PPARGC1A: variants seen among roughly 807,000 people sequenced by gnomAD.
The protein encoded by PPARGC1A is PPARG coactivator 1 alpha.
In PPARGC1A, 25 loss-of-function variants were observed where a neutral mutation model predicts 88.7. That is an observed-to-expected ratio of 0.28 (90% CI 0.21 to 0.39). PPARGC1A has a LOEUF of 0.39. Among genes scored for constraint, PPARGC1A ranks in the 10% least tolerant of loss-of-function variants. The pLI is 1.00. For synonymous variants in PPARGC1A, 363 were observed against 355.6 expected (o/e 1.02, Z -0.24); for missense variants, 880 against 968.7 (o/e 0.91, Z 1.22).
the PPARGC1A span, among the ~76,000 whole-genome samples, chr4:24,214,537 G>T: frequency 6.6e-6 from 1 of 152,192 alleles, no homozygotes; most frequent in Non-Finnish European, 1.5e-5. Flanking sequence ...GGACTGCCAC[G>T]TGAGAGACAA....
chr4:24,364,504 C>T, the PPARGC1A span, among the ~76,000 whole-genome samples: 1 of 152,140 alleles, frequency 6.6e-6, no homozygotes, highest in Non-Finnish European at 1.5e-5. Flanking sequence ...CTCCTCGCCT[C>T]TCATGACATC....
chr4:24,450,643 G>T, the PPARGC1A span, among the ~76,000 whole-genome samples: 1 of 152,092 alleles, frequency 6.6e-6, no homozygotes, highest in Non-Finnish European at 1.5e-5. Flanking sequence ...TAAAAATGAT[G>T]GCAGTATTAA....
At chr4:23,866,841 C>A (rs928727840) in intron 2 of PPARGC1A, among the ~76,000 whole-genome samples, 9 of 152,044 alleles carry the variant, frequency 5.9e-5, no homozygotes, top group African/African-American at 2.2e-4. Context: ...CATTTGCTCT[C>A]AGAGATACCG....
At chr4:23,938,858 A>C in the PPARGC1A span, among the ~76,000 whole-genome samples, 2 of 152,202 alleles carry the variant, frequency 1.3e-5, no homozygotes, top group African/African-American at 4.8e-5. Flanking sequence ...AGTAAGAGCT[A>C]AGGAGAGAGC....
the PPARGC1A span, among the ~76,000 whole-genome samples, chr4:24,089,505 C>CTTTTT: frequency 3.4e-4 from 25 of 73,810 alleles, no homozygotes; most frequent in African/African-American, 9.6e-4. Flanking sequence ...CTTTTCTTTT[C>CTTTTT]TTTTCTTTCT....
chr4:24,333,199 GTGC>G, the PPARGC1A span, among the ~76,000 whole-genome samples: 13 of 152,176 alleles, frequency 8.5e-5, no homozygotes, highest in South Asian at 2.1e-3. Context: ...AGCTGAGATT[GTGC>G]TGCTGCACTC....
the PPARGC1A span, among the ~76,000 whole-genome samples, chr4:24,181,938 G>A: frequency 5.3e-5 from 8 of 151,758 alleles, no homozygotes; most frequent in Non-Finnish European, 8.8e-5. Flanking sequence ...ATCCTTCTGA[G>A]GAAACAAGAT....
the PPARGC1A span, among the ~76,000 whole-genome samples, chr4:23,968,437 A>G: frequency 6.6e-6 from 1 of 152,154 alleles, no homozygotes; most frequent in Non-Finnish European, 1.5e-5. Context: ...CAACCAGTCC[A>G]GTCCAGCCCA....
chr4:24,470,271 G>GACACACAC, the PPARGC1A span, among the ~76,000 whole-genome samples: 46 of 72,012 alleles, frequency 6.4e-4, no homozygotes, highest in South Asian at 2.1e-3. The surrounding 1 kb of genome is among the most constrained non-coding windows in gnomAD (Gnocchi z 5.8). Context: ...CTCATCGACA[G>GACACACAC]ACACAGACAC....
the PPARGC1A span, among the ~76,000 whole-genome samples, chr4:24,177,619 T>TTAAATAAATAAA: frequency 8.0e-6 from 1 of 124,950 alleles, no homozygotes; most frequent in East Asian, 2.3e-4. Context: ...TCAAGTATAA[T>TTAAATAAATAAA]TAAATAAATA....
chr4:23,923,116 G>GTTTTGTTT, the PPARGC1A span, among the ~76,000 whole-genome samples: 2 of 131,690 alleles, frequency 1.5e-5, no homozygotes, highest in African/African-American at 2.8e-5. Context: ...TTTGTTGCTT[G>GTTTTGTTT]TTTTTTTTTT....
At chr4:24,154,661 G>A in the PPARGC1A span, among the ~76,000 whole-genome samples, 52 of 152,252 alleles carry the variant, frequency 3.4e-4, 1 homozygote, top group African/African-American at 1.2e-3. Context: ...CTTCTAAGCT[G>A]AGTTATCAAA....
At chr4:23,874,597 T>C (rs1405043045) in intron 2 of PPARGC1A, among the ~76,000 whole-genome samples, 1 of 151,790 alleles carries the variant, frequency 6.6e-6, no homozygotes, top group African/African-American at 2.4e-5. Flanking sequence ...TATATGCACA[T>C]ACACAGGCAC....
the PPARGC1A span, among the ~76,000 whole-genome samples, chr4:23,970,128 T>G: frequency 6.6e-6 from 1 of 152,216 alleles, no homozygotes; most frequent in Non-Finnish European, 1.5e-5. Flanking sequence ...TTAGACAGAT[T>G]CTTACTTTAC....
At chr4:24,253,694 G>C in the PPARGC1A span, among the ~76,000 whole-genome samples, 1 of 152,038 alleles carries the variant, frequency 6.6e-6, no homozygotes, top group African/African-American at 2.4e-5. Flanking sequence ...CGCTGAGAGC[G>C]AGTGCCTCTT....
intron 3 of PPARGC1A, among the ~76,000 whole-genome samples, chr4:23,829,822 A>T (rs1724681285): frequency 6.6e-6 from 1 of 152,142 alleles, no homozygotes; most frequent in South Asian, 2.1e-4. Context: ...TTCCAATTCA[A>T]TTTCTAGAAT....
intron 2 of PPARGC1A, among the ~76,000 whole-genome samples, chr4:23,872,762 G>C (rs1713688998): frequency 6.6e-6 from 1 of 152,086 alleles, no homozygotes; most frequent in African/African-American, 2.4e-5. Flanking sequence ...CATGCTAATG[G>C]ATGACAATTA....
At chr4:24,123,910 C>CAAAAAAAAAA in the PPARGC1A span, among the ~76,000 whole-genome samples, 1 of 123,432 alleles carries the variant, frequency 8.1e-6, no homozygotes. Context: ...TCTAAGTTGG[C>CAAAAAAAAAA]AAAAAAAAAA....
chr4:24,041,749 C>A, the PPARGC1A span, among the ~76,000 whole-genome samples: 6 of 152,114 alleles, frequency 3.9e-5, no homozygotes, highest in Non-Finnish European at 7.4e-5. Flanking sequence ...CCATGAAGCA[C>A]ATACATGGAT....
Sources: allele counts gnomAD v4.1 joint callset (sites outside exome capture counted in the v4.1 genomes callset), GRCh38; gene constraint gnomAD v4.1.1; non-coding constraint Gnocchi (gnomAD v3.1); transcripts MANE v1.5; gene names NCBI Gene and HGNC (gene_info 2026-07-23, HGNC 2026-07-21).